CSMD1: variants seen among roughly 807,000 people sequenced by gnomAD.
CSMD1 encodes CUB and sushi domain-containing protein 1.
A neutral mutation model predicts 417.5 loss-of-function variants in CSMD1; 213 were observed. The ratio of observed to expected loss-of-function variants is 0.51; its 90% CI spans 0.46 to 0.57. CSMD1 has a LOEUF of 0.57. Among genes scored for constraint, CSMD1 ranks in the 20% least tolerant of loss-of-function variants. CSMD1 has a pLI of 0.00. For missense variants in CSMD1, 6,923 were observed against 4,529.7 expected (o/e 1.53, Z -15.17); for synonymous variants, 2,862 against 1,736.8 (o/e 1.65, Z -16.11).
intron 1 of CSMD1, among the ~76,000 whole-genome samples, chr8:4,951,887 A>G (rs892962378): frequency 2.0e-5 from 3 of 151,852 alleles, no homozygotes; most frequent in African/African-American, 7.2e-5. Context: ...TGAGCTATAA[A>G]ATATTAATGA....
At chr8:3,608,811 T>C (rs1360441277) in intron 8 of CSMD1, among the ~76,000 whole-genome samples, 3 of 150,724 alleles carry the variant, frequency 2.0e-5, no homozygotes, top group African/African-American at 7.3e-5. Context: ...TCACGGCCAA[T>C]GCTAGTCTAT....
At chr8:4,925,514 G>A (rs940000717) in intron 1 of CSMD1, among the ~76,000 whole-genome samples, 1 of 150,498 alleles carries the variant, frequency 6.6e-6, no homozygotes, top group African/African-American at 2.4e-5. Context: ...ATTCTGAAAC[G>A]TGGGTATTCT....
intron 11 of CSMD1, among the ~76,000 whole-genome samples, chr8:3,472,411 A>G (rs1817158944): frequency 6.6e-6 from 1 of 152,108 alleles, no homozygotes; most frequent in African/African-American, 2.4e-5. Flanking sequence ...AGCCTGGACA[A>G]CATGATTGGT....
chr8:3,523,602 T>C (rs1237625860), intron 10 of CSMD1, among the ~76,000 whole-genome samples: 3 of 151,560 alleles, frequency 2.0e-5, no homozygotes, highest in Non-Finnish European at 4.4e-5. Flanking sequence ...TGCACACATG[T>C]GCATGTACAC....
At chr8:4,841,803 C>A (rs752110090) in intron 1 of CSMD1, among the ~76,000 whole-genome samples, 1 of 143,388 alleles carries the variant, frequency 7.0e-6, no homozygotes, top group Non-Finnish European at 1.5e-5. Context: ...CCTAGCTACT[C>A]GGGAGGCTGA....
chr8:3,811,068 T>C (rs1341441713), intron 5 of CSMD1, among the ~76,000 whole-genome samples: 1 of 152,204 alleles, frequency 6.6e-6, no homozygotes, highest in African/African-American at 2.4e-5. Context: ...TAAAGAGCTG[T>C]TTTTCCTGAG....
intron 2 of CSMD1, among the ~76,000 whole-genome samples, chr8:4,629,860 T>A (rs1802402085): frequency 6.6e-6 from 1 of 152,172 alleles, no homozygotes; most frequent in South Asian, 2.1e-4. Context: ...GTCTGCTTGT[T>A]CTTCTGTTCC....
chr8:3,306,980 A>ATATG (rs1804908829), intron 25 of CSMD1, among the ~76,000 whole-genome samples: 1 of 152,106 alleles, frequency 6.6e-6, no homozygotes, highest in African/African-American at 2.4e-5. Context: ...ATTTTCTTTT[A>ATATG]TATGTGTTAC....
intron 1 of CSMD1, among the ~76,000 whole-genome samples, chr8:4,840,656 G>A (rs766319475): frequency 2.0e-5 from 3 of 152,140 alleles, no homozygotes; most frequent in South Asian, 2.1e-4. Context: ...TCTGAGTGAC[G>A]TGTCCCAAAA....
At chr8:4,277,714 C>T (rs958585902) in intron 3 of CSMD1, among the ~76,000 whole-genome samples, 3 of 152,082 alleles carry the variant, frequency 2.0e-5, no homozygotes, top group Non-Finnish European at 4.4e-5. Flanking sequence ...AAAGTGTTAA[C>T]ATAATTAGAC....
intron 2 of CSMD1, among the ~76,000 whole-genome samples, chr8:4,460,972 C>A (rs183872472): frequency 2.2e-4 from 33 of 152,242 alleles, no homozygotes; most frequent in Admixed American, 2.1e-3. Flanking sequence ...ATAGAAACTA[C>A]AGACTAGTAT....
chr8:3,663,215 T>A (rs189635869), intron 7 of CSMD1, among the ~76,000 whole-genome samples: 5 of 152,212 alleles, frequency 3.3e-5, no homozygotes, highest in African/African-American at 1.2e-4. Flanking sequence ...AACAAAGATA[T>A]TTTTAAACAA....
At chr8:3,528,027 G>A (rs141054896) in intron 10 of CSMD1, among the ~76,000 whole-genome samples, 2 of 152,214 alleles carry the variant, frequency 1.3e-5, no homozygotes, top group Non-Finnish European at 2.9e-5. Context: ...ACTGTCTCCA[G>A]CCATTGCCAT....
intron 6 of CSMD1, among the ~76,000 whole-genome samples, chr8:3,735,937 A>C (rs1005059818): frequency 1.3e-5 from 2 of 151,780 alleles, no homozygotes; most frequent in African/African-American, 4.9e-5. Context: ...CTTTCTTGCT[A>C]GGGAAAGAAA....
intron 23 of CSMD1, among the ~76,000 whole-genome samples, chr8:3,318,175 G>C (rs754108414): frequency 1.3e-5 from 2 of 151,894 alleles, no homozygotes; most frequent in South Asian, 2.1e-4. Context: ...AGTACCTTAG[G>C]CTTGTAATAT....
In CSMD1 at chr8:3,470,111, G is replaced by A. The variant is rs186539790; in HGVS notation, c.1449-1287C>T. Among the ~76,000 whole-genome samples, 235 of 152,224 alleles carry A rather than the reference G, an allele frequency of 1.5e-3. No homozygotes were observed. The Middle Eastern group carries it at 0.02, about 13-fold the overall frequency. Reference sequence around the variant, plus strand: ...ATTACCAACACCCCAAAGCCTTCTTGTACCTTCTCCCAGTCACCATCCTCT... The same window carrying A: ...ATTACCAACACCCCAAAGCCTTCTTATACCTTCTCCCAGTCACCATCCTCT... On this transcript the variant is annotated intron_variant, in intron 11 of 69. Coordinates refer to ENST00000635120, the MANE Select transcript of CSMD1 (RefSeq NM_033225.6).
At chr8:3,641,398 G>C (rs557060961) in intron 7 of CSMD1, among the ~76,000 whole-genome samples, 2 of 152,234 alleles carry the variant, frequency 1.3e-5, no homozygotes, top group African/African-American at 4.8e-5. Context: ...GCAGATCTTA[G>C]AAGCAGAAAT....
At chr8:4,610,707 G>A (rs1252023873) in intron 2 of CSMD1, among the ~76,000 whole-genome samples, 1 of 152,144 alleles carries the variant, frequency 6.6e-6, no homozygotes, top group Non-Finnish European at 1.5e-5. Context: ...AGGTTTTATG[G>A]TTGTAACAGC....
chr8:3,835,529 G>A (rs1802635099), intron 5 of CSMD1, among the ~76,000 whole-genome samples: 1 of 151,952 alleles, frequency 6.6e-6, no homozygotes, highest in African/African-American at 2.4e-5. Flanking sequence ...GAGAACACAT[G>A]GACACAGGAA....
Sources: gnomAD v4.1 joint callset for allele counts (sites outside exome capture counted in the v4.1 genomes callset) on GRCh38, gnomAD v4.1.1 for gene constraint, MANE v1.5 for transcripts, NCBI Gene and HGNC (gene_info 2026-07-23, HGNC 2026-07-21) for gene names.